Variants in ESF1 observed in about 807,000 individuals in gnomAD.
The protein encoded by ESF1 is ESF1 homolog.
ESF1 carries 58 observed loss-of-function variants against 92.0 expected under a neutral mutation model. The observed-to-expected ratio is 0.63, with a 90% CI of 0.51 to 0.78. The LOEUF (loss-of-function observed/expected upper bound fraction) is 0.78. Among genes scored for constraint, ESF1 ranks in the 30% least tolerant of loss-of-function variants. ESF1 has a pLI of 0.00. For synonymous variants in ESF1, 321 were observed against 313.7 expected, an observed-to-expected ratio of 1.02 and a Z score of -0.24; for missense variants, 922 against 989.1, an observed-to-expected ratio of 0.93 and a Z score of 0.91.
chr20:13,751,569 G>C (rs1156410791), intron 9 of ESF1, among the ~76,000 whole-genome samples: 1 of 152,110 alleles, frequency 6.6e-6, no homozygotes, highest in Non-Finnish European at 1.5e-5. Flanking sequence ...CCTGTGCAGG[G>C]ATGTGGGGGG....
intron 11 of ESF1, among the ~76,000 whole-genome samples, chr20:13,727,051 A>C (rs1352846225): frequency 6.6e-6 from 1 of 152,214 alleles, no homozygotes; most frequent in East Asian, 1.9e-4. Context: ...TGATTCCAAA[A>C]AACTGGCTAC....
intron 9 of ESF1, among the ~76,000 whole-genome samples, chr20:13,747,592 C>CA (rs2050059588): frequency 8.3e-6 from 1 of 121,000 alleles, no homozygotes. Context: ...GACTCAGTCT[C>CA]GAAAAAAAAA....
chr20:13,727,722 T>C (rs2049910910), intron 11 of ESF1, among the ~76,000 whole-genome samples: 1 of 152,062 alleles, frequency 6.6e-6, no homozygotes, highest in Non-Finnish European at 1.5e-5. Flanking sequence ...GCATATGAGG[T>C]GGAAACAAGG....
intron 8 of ESF1, among the ~76,000 whole-genome samples, chr20:13,761,951 C>G (rs1235154731): frequency 6.6e-6 from 1 of 152,192 alleles, no homozygotes; most frequent in Non-Finnish European, 1.5e-5. Context: ...TGAAGTCCCT[C>G]TCCTCTATAA....
chr20:13,740,913 C>A (rs764233385), intron 9 of ESF1, among the ~76,000 whole-genome samples: 1 of 152,084 alleles, frequency 6.6e-6, no homozygotes, highest in Non-Finnish European at 1.5e-5. Context: ...TTGCCCCTTC[C>A]CAGAAAGAGG....
chr20:13,761,983 A>G (rs1979221834), intron 8 of ESF1, among the ~76,000 whole-genome samples: 2 of 152,214 alleles, frequency 1.3e-5, no homozygotes, highest in Admixed American at 6.5e-5. Flanking sequence ...CTGCTCACCA[A>G]AAATGTCTGA....
intron 9 of ESF1, among the ~76,000 whole-genome samples, chr20:13,756,978 G>C (rs1978925106): frequency 6.6e-6 from 1 of 151,898 alleles, no homozygotes; most frequent in African/African-American, 2.4e-5. Context: ...TTTGAGATCT[G>C]TCCTATTTTT....
intron 9 of ESF1, among the ~76,000 whole-genome samples, chr20:13,739,148 C>T (rs2049994805): frequency 6.6e-6 from 1 of 152,080 alleles, no homozygotes; most frequent in African/African-American, 2.4e-5. Context: ...GTGAAGCATC[C>T]ATAGAAAATA....
intron 9 of ESF1, among the ~76,000 whole-genome samples, chr20:13,756,137 G>A (rs1055806606): frequency 6.6e-6 from 1 of 152,148 alleles, no homozygotes; most frequent in Admixed American, 6.5e-5. Context: ...AGTTTATAAC[G>A]TTTGTAAGTA....
chr20:13,775,280 G>T lies in ESF1; in HGVS notation c.1036-10C>A. 1 of 1,514,570 alleles carries T rather than the reference G, an allele frequency of 6.6e-7. No individual in the cohort carries two copies. Among genetic ancestry groups the T allele is most frequent in the South Asian group, 1.2e-5 (1 of 84,370 alleles). 93.8% of individuals were successfully genotyped at this position (1,514,570 alleles called of 1,614,324 possible). On this transcript the variant is annotated splice_polypyrimidine_tract_variant and intron_variant, in intron 3 of 13. Transcript: ENST00000617257. ...CTAATCGACGTGTAATCTGAGAAAT[G>T]AGAAGAATTAAATAGTACATAATCC...
chr20:13,777,358 A>C (rs746752820), intron 2 of ESF1, among the ~76,000 whole-genome samples: 7 of 152,214 alleles, frequency 4.6e-5, no homozygotes, highest in Non-Finnish European at 1.0e-4. Context: ...GAAGATGGAA[A>C]GATGAAAAGG....
chr20:13,767,945 A>G (rs899375566), intron 7 of ESF1, among the ~76,000 whole-genome samples: 2 of 152,218 alleles, frequency 1.3e-5, no homozygotes, highest in Admixed American at 1.3e-4. Flanking sequence ...CTGACAATTA[A>G]GCCTGAGCTG....
rs201780429 is a variant in ESF1, at chr20:13,775,873, C to T, written c.1035G>A (p.Glu345=). ...ELDKDAPRAD[E]ITRRLAVCNM... is the part of the protein sequence containing the mutation. ...TAATCTTGTTTATTCAAAAGGTTAC[C>T]TCATCAGCACGAGGAGCATCTTTAT... The change falls in exon 3 of 14, where the codon GAG becomes GAA. Residue 345 remains glutamate (E), a splice_region_variant and synonymous_variant. Coordinates refer to ENST00000617257, the MANE Select transcript of ESF1 (RefSeq NM_001276380.2). 1 of 1,593,132 alleles carries T rather than the reference C, an allele frequency of 6.3e-7. No individual in the cohort carries two copies. Among genetic ancestry groups the T allele is most frequent in the East Asian group, 2.2e-5 (1 of 44,754 alleles).
At chr20:13,773,077 TAGAAC>T (rs1350750781) in intron 4 of ESF1, among the ~76,000 whole-genome samples, 1 of 152,192 alleles carries the variant, frequency 6.6e-6, no homozygotes, top group Non-Finnish European at 1.5e-5. Context: ...TTTAAAGAAA[TAGAAC>T]AGAACTGACG....
chr20:13,782,543 T>C lies in ESF1; in HGVS notation c.598A>G (p.Arg200Gly), dbSNP rs757827255. ...SGTSEIVKSP[R>G]IECSKTRREM... is the part of the protein sequence containing the mutation. ...CTTCTTGTCTTAGAACACTCGATTC[T>C]GGGAGATTTCACAATTTCAGAGGTG... is the stretch of plus-strand genomic sequence containing the variant. Residue 200 changes from arginine (R) to glycine (G), a missense_variant, in exon 2 of 14, where the codon AGA (arginine) becomes GGA (glycine). Coordinates refer to ENST00000617257, the MANE Select transcript of ESF1 (RefSeq NM_001276380.2). 1.9e-6 allele frequency: 3 copies of C among 1,564,344 alleles called. No individual in the cohort carries two copies. Among genetic ancestry groups the C allele is most frequent in the Non-Finnish European group, 2.6e-6 (3 of 1,165,770 alleles).
At chr20:13,719,057 CA>C in intron 11 of ESF1, 73 bp from the exon 12 acceptor site, 1 of 965,762 alleles carries the variant, frequency 1.0e-6, no homozygotes, top group Non-Finnish European at 1.5e-6. Flanking sequence ...ATACTAGGAA[CA>C]AAAATATAAG....
intron 11 of ESF1, among the ~76,000 whole-genome samples, chr20:13,723,054 G>A (rs1362016641): frequency 1.3e-5 from 2 of 152,246 alleles, no homozygotes; most frequent in South Asian, 4.1e-4. Flanking sequence ...CATGGAAAAA[G>A]ATAGTGTGTA....
intron 2 of ESF1, among the ~76,000 whole-genome samples, chr20:13,777,578 C>T (rs2209994): frequency 0.67 from 102,553 of 152,004 alleles, 34,830 homozygotes; most frequent in East Asian, 0.89. Flanking sequence ...CCTATAAAGA[C>T]AGAGAAATAA....
intron 11 of ESF1, among the ~76,000 whole-genome samples, chr20:13,725,870 CAA>C (rs979642429): frequency 3.3e-5 from 5 of 152,216 alleles, no homozygotes; most frequent in African/African-American, 1.2e-4. Flanking sequence ...ATTGACATCT[CAA>C]AGTGATTATA....
Sources: allele counts gnomAD v4.1 joint callset (sites outside exome capture counted in the v4.1 genomes callset), GRCh38; gene constraint gnomAD v4.1.1; transcripts MANE v1.5; gene names NCBI Gene and HGNC (gene_info 2026-07-23, HGNC 2026-07-21).